Variants in ELFN2 observed in about 807,000 individuals in gnomAD.
ELFN2 encodes extracellular leucine rich repeat and fibronectin type III domain containing 2.
In ELFN2, 17 loss-of-function variants were observed where a neutral mutation model predicts 45.5. That is an observed-to-expected ratio of 0.37 (90% confidence interval 0.26 to 0.56). ELFN2 has a LOEUF of 0.56. ELFN2 is among the 20% of genes least tolerant of loss of function. The pLI is 0.77. For synonymous variants in ELFN2, 550 were observed against 551.5 expected (o/e 1.00, Z 0.04); for missense variants, 922 against 1,183.2 (o/e 0.78, Z 3.24).
chr22:37,350,799 T>G (rs896112385), intron 1 of ELFN2, among the ~76,000 whole-genome samples: 2 of 148,644 alleles, frequency 1.3e-5, no homozygotes, highest in Non-Finnish European at 3.0e-5. Context: ...GGCAAGGTGG[T>G]GCTTCTCCAA....
rs376722692 is a variant in ELFN2, at chr22:37,375,537, C to A, written c.-3G>T. 10 of 1,542,178 alleles carry A rather than the reference C, an allele frequency of 6.5e-6. No individual in the cohort carries two copies. Among genetic ancestry groups the A allele is most frequent in the Non-Finnish European group, 8.7e-6 (10 of 1,143,090 alleles). On this transcript the variant is annotated 5_prime_UTR_variant, in exon 3 of 3. Coordinates refer to ENST00000402918, the MANE Select transcript of ELFN2 (RefSeq NM_052906.5). ...GCGCACAGCCCCAGGCGCAGCATGG[C>A]GCTGGCCTCGGAGTGAGGGGCCAGG...
intron 1 of ELFN2, among the ~76,000 whole-genome samples, chr22:37,356,609 A>G (rs940910094): frequency 3.9e-5 from 6 of 152,196 alleles, no homozygotes; most frequent in African/African-American, 1.4e-4. Flanking sequence ...CACCTCAGGT[A>G]CGTCAGCTAA....
At chr22:37,395,773 A>G (rs995368072) in intron 2 of ELFN2, among the ~76,000 whole-genome samples, 3 of 152,174 alleles carry the variant, frequency 2.0e-5, no homozygotes, top group African/African-American at 7.2e-5. Context: ...GTGGGCTGCA[A>G]AGACCTGCAA....
At chr22:37,405,195 C>T (rs528128341) in intron 2 of ELFN2, among the ~76,000 whole-genome samples, 7 of 150,506 alleles carry the variant, frequency 4.7e-5, no homozygotes, top group Non-Finnish European at 8.8e-5. Context: ...CGGGTTCAAG[C>T]GATTCTTGTG....
chr22:37,341,447 G>A (rs560760198), intron 2 of ELFN2, among the ~76,000 whole-genome samples: 18 of 151,848 alleles, frequency 1.2e-4, no homozygotes, highest in African/African-American at 2.2e-4. Flanking sequence ...GTGCTCACCC[G>A]CCTGGGTCTA....
chr22:37,412,551 C>T (rs1161163923), intron 2 of ELFN2, among the ~76,000 whole-genome samples: 1 of 152,154 alleles, frequency 6.6e-6, no homozygotes, highest in African/African-American at 2.4e-5. Flanking sequence ...CCCCTCCTCT[C>T]CCTTCTTCCT....
rs548410357 is a variant in ELFN2, at chr22:37,374,681, G to A, written c.854C>T (p.Pro285Leu). ...CGCATCCGTGGTGGACGAGGCCGGC[G>A]GCTCCACCGAAAGGATCTCGTCGGG... ...FNPDEILSVE[P>L]PASSTTDASA... is the part of the protein sequence containing the mutation. Residue 285 changes from proline (P) to leucine (L), a missense_variant, in exon 3 of 3, where the codon CCG becomes CTG. Coordinates refer to ENST00000402918, the MANE Select transcript of ELFN2 (RefSeq NM_052906.5). 22 of 1,611,948 alleles carry A rather than the reference G, an allele frequency of 1.4e-5. No individual in the cohort carries two copies. The highest frequency in any genetic ancestry group is 8.9e-5 in the East Asian group (4 of 44,826).
Position 37,372,915 on chromosome 22 carries a change from G to T in ELFN2, c.*157C>A. The T allele has an allele frequency of 1.4e-6, 1 of 724,330 alleles. No homozygotes were observed. Among genetic ancestry groups the T allele is most frequent in the Non-Finnish European group, 2.2e-6 (1 of 453,162 alleles). 44.9% of individuals were successfully genotyped at this position (724,330 alleles called of 1,614,324 possible). ...TTGGTTTGTTCACAGTCGGGTGGTG[G>T]TCAGGTGTGTGTGTGCGTGCGTGCG... On this transcript the variant is annotated 3_prime_UTR_variant, in exon 3 of 3. Transcript: ENST00000402918. This position sits in a 1 kb window ranked among gnomAD's most constrained non-coding sequence, Gnocchi z 4.4.
rs144488226 is a variant in ELFN2, at chr22:37,373,193, C to T, written c.2342G>A (p.Arg781Gln). Residue 781 changes from arginine (R) to glutamine (Q), a missense_variant, in exon 3 of 3, where the codon CGG becomes CAG. Around this residue, in one of 2 missense-constraint regions of ELFN2, gnomAD observed 564 missense variants for 642.8 expected, o/e 0.88. Transcript: ENST00000402918. ...ERFRPYKKHH[R>Q]EEVYMAAGHA... ...ACCGGCGGCCATGTACACCTCCTCC[C>T]GGTGGTGCTTCTTGTAGGGCCGGAA... is the stretch of plus-strand genomic sequence containing the variant. 331 of 1,613,818 alleles carry T rather than the reference C, an allele frequency of 2.1e-4. No individual in the cohort carries two copies. The highest frequency in any genetic ancestry group is 2.5e-4 in the Admixed American group (15 of 60,030).
At chr22:37,404,217 G>T (rs1932439290) in intron 2 of ELFN2, among the ~76,000 whole-genome samples, 1 of 152,186 alleles carries the variant, frequency 6.6e-6, no homozygotes, top group Non-Finnish European at 1.5e-5. Flanking sequence ...ATGCTGGGGG[G>T]GTGACACCAA....
At chr22:37,425,601 T>C (rs1297193417) in intron 1 of ELFN2, among the ~76,000 whole-genome samples, 1 of 152,108 alleles carries the variant, frequency 6.6e-6, no homozygotes, top group Non-Finnish European at 1.5e-5. Flanking sequence ...ATGTCACACC[T>C]GAGGTTCTCA....
intron 1 of ELFN2, among the ~76,000 whole-genome samples, chr22:37,362,232 T>C (rs739190): frequency 0.97 from 147,459 of 152,334 alleles, 71,409 homozygotes; most frequent in East Asian, 1. Context: ...TTCTCACATA[T>C]ATGCCCTGTG....
At chr22:37,420,772 C>T (rs1932803880) in intron 1 of ELFN2, among the ~76,000 whole-genome samples, 1 of 152,156 alleles carries the variant, frequency 6.6e-6, no homozygotes, top group Admixed American at 6.5e-5. Context: ...GTCAACGAAA[C>T]GGAAGATGAT....
intron 2 of ELFN2, among the ~76,000 whole-genome samples, chr22:37,407,612 CGGCGGCCA>C (rs1051881073): frequency 1.4e-4 from 22 of 152,204 alleles, no homozygotes; most frequent in Admixed American, 3.9e-4. Context: ...ACGCCCCACC[CGGCGGCCA>C]GGCGCAGTGG....
chr22:37,395,599 G>T (rs1157551921), intron 2 of ELFN2, among the ~76,000 whole-genome samples: 1 of 152,186 alleles, frequency 6.6e-6, no homozygotes, highest in Non-Finnish European at 1.5e-5. Flanking sequence ...GGCTGGCTCT[G>T]TGGCAGCCAG....
At chr22:37,380,255 C>T (rs1185983495) in intron 2 of ELFN2, among the ~76,000 whole-genome samples, 6 of 152,196 alleles carry the variant, frequency 3.9e-5, no homozygotes, top group Non-Finnish European at 8.8e-5. Flanking sequence ...CAGCTGGGGA[C>T]GCAGGCAGCG....
chr22:37,362,112 G>T (rs918335067), intron 1 of ELFN2, among the ~76,000 whole-genome samples: 1 of 152,220 alleles, frequency 6.6e-6, no homozygotes, highest in Non-Finnish European at 1.5e-5. Context: ...TGGCATCCCA[G>T]GTGCTTGGAG....
At chr22:37,351,734 C>T (rs1385392221) in intron 1 of ELFN2, among the ~76,000 whole-genome samples, 2 of 151,066 alleles carry the variant, frequency 1.3e-5, no homozygotes, top group African/African-American at 4.8e-5. Context: ...CCTTCCCGCT[C>T]AGACTGTGTG....
chr22:37,416,350 T>G (rs1932759589), intron 2 of ELFN2, among the ~76,000 whole-genome samples: 1 of 152,190 alleles, frequency 6.6e-6, no homozygotes, highest in Admixed American at 6.5e-5. Context: ...ACGTGCCTGC[T>G]GGGTGACCTT....
Sources: gnomAD v4.1 joint callset for allele counts (sites outside exome capture counted in the v4.1 genomes callset) on GRCh38, gnomAD v4.1.1 for gene constraint, gnomAD v4.1.1 regional missense constraint, Gnocchi (gnomAD v3.1) non-coding constraint, MANE v1.5 for transcripts, NCBI Gene and HGNC (gene_info 2026-07-23, HGNC 2026-07-21) for gene names.